TTC28: variants seen among roughly 807,000 people sequenced by gnomAD.
TTC28 encodes tetratricopeptide repeat domain 28.
A neutral mutation model predicts 198.0 loss-of-function variants in TTC28; 61 were observed. The ratio of observed to expected loss-of-function variants is 0.31; its 90% CI spans 0.25 to 0.38. The LOEUF is 0.38. Ranked by LOEUF, TTC28 falls within the 10% of genes least tolerant of loss-of-function variation. The pLI is 1.00. For missense variants in TTC28, 2,678 were observed against 3,164.0 expected (o/e 0.85, Z 3.69); for synonymous variants, 1,171 against 1,297.8 (o/e 0.90, Z 2.10).
chr22:28,520,662 G>C (rs915204015), intron 2 of TTC28, among the ~76,000 whole-genome samples: 3 of 152,198 alleles, frequency 2.0e-5, no homozygotes, highest in Admixed American at 1.3e-4. Context: ...GGGGGCTAAA[G>C]TGAGAGGATT....
intron 2 of TTC28, among the ~76,000 whole-genome samples, chr22:28,372,365 C>G (rs185051630): frequency 6.6e-6 from 1 of 152,266 alleles, no homozygotes; most frequent in East Asian, 1.9e-4. Flanking sequence ...CAGCCACGCA[C>G]ATAATTACAG....
chr22:28,554,325 A>T (rs2049752867), intron 2 of TTC28, among the ~76,000 whole-genome samples: 2 of 150,196 alleles, frequency 1.3e-5, no homozygotes, highest in Admixed American at 6.7e-5. Context: ...TTGTCCTATG[A>T]CCCTGCCAAA....
At chr22:28,036,714 A>C (rs1175440416) in intron 12 of TTC28, among the ~76,000 whole-genome samples, 2 of 152,216 alleles carry the variant, frequency 1.3e-5, no homozygotes, top group African/African-American at 2.4e-5. Context: ...CCTTTAAAAA[A>C]TCAAGGAATC....
chr22:28,252,302 T>C (rs1299966746), intron 5 of TTC28, among the ~76,000 whole-genome samples: 1 of 152,232 alleles, frequency 6.6e-6, no homozygotes, highest in Non-Finnish European at 1.5e-5. Flanking sequence ...CTAATCATCA[T>C]TTTAACCTGA....
intron 5 of TTC28, among the ~76,000 whole-genome samples, chr22:28,182,129 C>T (rs1923757200): frequency 6.6e-6 from 1 of 152,144 alleles, no homozygotes; most frequent in Non-Finnish European, 1.5e-5. Context: ...CTCTCAGTCC[C>T]ACCTACATTT....
At chr22:28,602,597 A>G (rs1231356718) in intron 2 of TTC28, among the ~76,000 whole-genome samples, 3 of 152,238 alleles carry the variant, frequency 2.0e-5, no homozygotes, top group Non-Finnish European at 4.4e-5. Context: ...TAAAATGTTA[A>G]CAACTGGGGG....
intron 2 of TTC28, among the ~76,000 whole-genome samples, chr22:28,619,903 C>T (rs1185032919): frequency 2.0e-5 from 3 of 152,110 alleles, no homozygotes; most frequent in Non-Finnish European, 4.4e-5. Context: ...GCAAAGAAAT[C>T]AACAGTTTAC....
chr22:28,617,330 T>C (rs1020588596), intron 2 of TTC28, among the ~76,000 whole-genome samples: 2 of 146,070 alleles, frequency 1.4e-5, no homozygotes, highest in South Asian at 2.2e-4. Flanking sequence ...AGAACTTTTT[T>C]TGAAAAAAAA....
Position 28,339,673 on chromosome 22 carries a change from C to T in TTC28, c.382-33030G>A, listed in dbSNP as rs538003082. ...CTAGCAATGAGTGAGGCTCCATGGG[C>T]GCAGGACCCTCCGAGCCAGGCATGG... On this transcript the variant is annotated intron_variant, in intron 2 of 22. Coordinates refer to ENST00000397906, the MANE Select transcript of TTC28 (RefSeq NM_001145418.2). Among the ~76,000 whole-genome samples, 35 of 152,274 alleles carry T rather than the reference C, an allele frequency of 2.3e-4. No homozygotes were observed. The South Asian group carries it at 7.0e-3, about 31-fold the overall frequency.
intron 2 of TTC28, among the ~76,000 whole-genome samples, chr22:28,624,406 G>T (rs1313716479): frequency 6.6e-6 from 1 of 151,248 alleles, no homozygotes; most frequent in Non-Finnish European, 1.5e-5. Flanking sequence ...ATGATAAAAC[G>T]AACATCACTA....
chr22:28,015,413 T>C (rs557204546), intron 13 of TTC28, among the ~76,000 whole-genome samples: 99 of 117,746 alleles, frequency 8.4e-4, no homozygotes, highest in African/African-American at 3.0e-3. Flanking sequence ...CTGTAGGAGA[T>C]AGCTTTAAAA....
At chr22:28,444,366 A>T (rs1440901496) in intron 2 of TTC28, among the ~76,000 whole-genome samples, 1 of 152,204 alleles carries the variant, frequency 6.6e-6, no homozygotes, top group Non-Finnish European at 1.5e-5. Context: ...TTATATGCAG[A>T]TTGATCACTA....
intron 6 of TTC28, among the ~76,000 whole-genome samples, chr22:28,117,943 T>C (rs1360284881): frequency 6.6e-6 from 1 of 152,164 alleles, no homozygotes; most frequent in South Asian, 2.1e-4. Flanking sequence ...AAGAGTATAA[T>C]TGGATTATTT....
intron 5 of TTC28, among the ~76,000 whole-genome samples, chr22:28,276,100 C>A (rs1294934466): frequency 1.3e-5 from 2 of 152,012 alleles, no homozygotes; most frequent in Non-Finnish European, 2.9e-5. Context: ...TAGCCTCCAA[C>A]TCCAGGACTC....
intron 2 of TTC28, among the ~76,000 whole-genome samples, chr22:28,577,851 T>A (rs1382359379): frequency 6.6e-6 from 1 of 152,204 alleles, no homozygotes; most frequent in Non-Finnish European, 1.5e-5. Context: ...CAGTTATGTG[T>A]GTCTTTATAG....
At chr22:28,566,598 TTC>T (rs2049973504) in intron 2 of TTC28, among the ~76,000 whole-genome samples, 3 of 152,234 alleles carry the variant, frequency 2.0e-5, no homozygotes, top group Non-Finnish European at 4.4e-5. Flanking sequence ...GTTCATTGAT[TTC>T]TCTTTCATTC....
At chr22:28,016,315 C>T (rs1276483715) in intron 13 of TTC28, among the ~76,000 whole-genome samples, 3 of 152,316 alleles carry the variant, frequency 2.0e-5, no homozygotes, top group Middle Eastern at 3.4e-3. Flanking sequence ...CTGCAAAGAG[C>T]AATTCTCCCC....
At chr22:28,570,491 A>G (rs991368938) in intron 2 of TTC28, among the ~76,000 whole-genome samples, 6 of 152,172 alleles carry the variant, frequency 3.9e-5, no homozygotes, top group African/African-American at 1.4e-4. Context: ...AGTGGGAGCT[A>G]AACACTGAAT....
intron 6 of TTC28, among the ~76,000 whole-genome samples, chr22:28,157,357 A>C (rs1383535658): frequency 6.6e-6 from 1 of 152,218 alleles, no homozygotes; most frequent in African/African-American, 2.4e-5. Flanking sequence ...TCATTGATGA[A>C]TTCTAACATT....
Sources: gnomAD v4.1 joint callset for allele counts (sites outside exome capture counted in the v4.1 genomes callset) on GRCh38, gnomAD v4.1.1 for gene constraint, MANE v1.5 for transcripts, NCBI Gene and HGNC (gene_info 2026-07-23, HGNC 2026-07-21) for gene names.